Variants in TTC27 observed in about 807,000 individuals in gnomAD.
The protein encoded by TTC27 is tetratricopeptide repeat domain 27.
TTC27 carries 79 observed loss-of-function variants against 115.9 expected under a neutral mutation model. The ratio of observed to expected loss-of-function variants is 0.68; its 90% confidence interval spans 0.57 to 0.82. The LOEUF is 0.82. TTC27 is among the 40% of genes least tolerant of loss of function. The pLI is 0.00. For missense variants in TTC27, 1,054 were observed against 993.1 expected, an observed-to-expected ratio of 1.06 and a Z score of -0.82; for synonymous variants, 401 against 356.0, an observed-to-expected ratio of 1.13 and a Z score of -1.42.
chr2:32,744,860 C>T (rs1436724078), intron 12 of TTC27, among the ~76,000 whole-genome samples: 2 of 152,010 alleles, frequency 1.3e-5, no homozygotes, highest in Admixed American at 1.3e-4. Flanking sequence ...ACCAGCCCGC[C>T]AGCCTGGTGA....
At chr2:32,693,912 A>T (rs2151896293) in intron 9 of TTC27, among the ~76,000 whole-genome samples, 1 of 152,376 alleles carries the variant, frequency 6.6e-6, no homozygotes, top group East Asian at 1.9e-4. Context: ...AGCACATAGA[A>T]TGTGTTATAT....
intron 16 of TTC27, among the ~76,000 whole-genome samples, chr2:32,803,502 C>G (rs1671028438): frequency 6.6e-6 from 1 of 152,178 alleles, no homozygotes; most frequent in Non-Finnish European, 1.5e-5. Flanking sequence ...GAGCTGTGTT[C>G]TCCACCATAT....
chr2:32,741,521 A>T (rs1406209564), intron 12 of TTC27, among the ~76,000 whole-genome samples: 2 of 151,832 alleles, frequency 1.3e-5, no homozygotes, highest in South Asian at 2.1e-4. Context: ...ACGTGGTGGC[A>T]TGTGCCTGTA....
intron 10 of TTC27, among the ~76,000 whole-genome samples, chr2:32,725,569 C>T (rs1228890681): frequency 2.0e-5 from 3 of 152,166 alleles, no homozygotes; most frequent in African/African-American, 2.4e-5. Context: ...ACAGCTCCAC[C>T]CCTGTGGCTT....
At chr2:32,668,028 A>T (rs1157530867) in intron 7 of TTC27, among the ~76,000 whole-genome samples, 1 of 151,460 alleles carries the variant, frequency 6.6e-6, no homozygotes, top group Non-Finnish European at 1.5e-5. Flanking sequence ...TATTAAAAAT[A>T]CAAAAAAAAA....
At chr2:32,680,137 C>A (rs548182612) in intron 9 of TTC27, among the ~76,000 whole-genome samples, 1 of 152,002 alleles carries the variant, frequency 6.6e-6, no homozygotes, top group African/African-American at 2.4e-5. Flanking sequence ...TTTTATTTTC[C>A]CACTTCAGTA....
At chr2:32,730,917 C>T (rs1324714565) in intron 10 of TTC27, among the ~76,000 whole-genome samples, 4 of 151,870 alleles carry the variant, frequency 2.6e-5, no homozygotes, top group African/African-American at 7.3e-5. Context: ...CCATTGCACC[C>T]GGCCAAGCCT....
intron 10 of TTC27, among the ~76,000 whole-genome samples, chr2:32,713,932 C>G (rs888877822): frequency 3.3e-5 from 5 of 152,114 alleles, no homozygotes; most frequent in Non-Finnish European, 7.3e-5. Context: ...TCTCCACCCT[C>G]AAGTAGGCCT....
chr2:32,764,795 A>T (rs1669569362), intron 13 of TTC27, among the ~76,000 whole-genome samples: 1 of 152,368 alleles, frequency 6.6e-6, no homozygotes, highest in African/African-American at 2.4e-5. Flanking sequence ...AATGTTTACA[A>T]CATCTTCACG....
intron 9 of TTC27, among the ~76,000 whole-genome samples, chr2:32,700,303 T>G (rs1177376888): frequency 1.3e-5 from 2 of 152,166 alleles, no homozygotes; most frequent in Non-Finnish European, 2.9e-5. Context: ...GGAGGTCAAG[T>G]AACTTCCCCA....
chr2:32,815,346 C>T (rs1194850640), intron 18 of TTC27, among the ~76,000 whole-genome samples: 1 of 148,158 alleles, frequency 6.7e-6, no homozygotes, highest in African/African-American at 2.5e-5. Context: ...ACGCCATTCT[C>T]CTGCCTCAGC....
intron 5 of TTC27, among the ~76,000 whole-genome samples, chr2:32,653,973 C>T (rs1665229046): frequency 6.6e-6 from 1 of 152,168 alleles, no homozygotes; most frequent in Admixed American, 6.5e-5. Context: ...CACCATTCTG[C>T]GTTTCTAGCC....
intron 5 of TTC27, among the ~76,000 whole-genome samples, chr2:32,655,926 G>A (rs1360479257): frequency 1.3e-5 from 2 of 152,124 alleles, no homozygotes; most frequent in Admixed American, 1.3e-4. Flanking sequence ...TGCAAATTCA[G>A]TTCCTCAGTT....
At chr2:32,742,736 A>G (rs956246435) in intron 12 of TTC27, among the ~76,000 whole-genome samples, 7 of 152,140 alleles carry the variant, frequency 4.6e-5, no homozygotes, top group African/African-American at 1.7e-4. Flanking sequence ...TACTGTATTG[A>G]GGACGTAGAG....
chr2:32,820,678 GA>G, intron 19 of TTC27, 137 bp from the exon 20 acceptor site: 13 of 752,324 alleles, frequency 1.7e-5, no homozygotes, highest in Admixed American at 4.1e-5. Flanking sequence ...CTAGTGAACA[GA>G]AAAAAATGCT....
intron 10 of TTC27, among the ~76,000 whole-genome samples, chr2:32,724,888 A>G (rs972651874): frequency 6.6e-6 from 1 of 152,200 alleles, no homozygotes; most frequent in Non-Finnish European, 1.5e-5. Context: ...GGTATAATGG[A>G]CTTAGAGTTC....
At chr2:32,737,816 A>G (rs969362206) in intron 12 of TTC27, among the ~76,000 whole-genome samples, 22 of 152,116 alleles carry the variant, frequency 1.4e-4, no homozygotes, top group African/African-American at 5.3e-4. Context: ...CAGCCTGGGC[A>G]ACCAAGTAAG....
chr2:32,758,344 A>G lies in TTC27; in HGVS notation c.1505A>G (p.Tyr502Cys). The change falls in exon 13 of 20, where the codon TAC becomes TGC. Residue 502 changes from tyrosine to cysteine, a missense_variant. Transcript: ENST00000317907. ...GAGAAAAAAGAAACGCCTAGTTTAT[A>G]CTGCTTGCTTGGAGATGTCCTCGGA... ...ELEKKETPSLYCLLGDVLGDH... is the reference protein window; with the variant it reads ...ELEKKETPSLCCLLGDVLGDH... 1 of 1,614,236 alleles carries G rather than the reference A, an allele frequency of 6.2e-7. No homozygotes were observed.
rs371536907 is a variant in TTC27, at chr2:32,639,023, A to G, written c.397-1247A>G. Among the ~76,000 whole-genome samples, 133 of 151,850 alleles carry G rather than the reference A, an allele frequency of 8.8e-4. 1 individual carries two copies. The highest frequency in any genetic ancestry group is 3.4e-3 in the Middle Eastern group (1 of 294). On this transcript the variant is annotated intron_variant, in intron 3 of 19. Coordinates refer to ENST00000317907, the MANE Select transcript of TTC27 (RefSeq NM_017735.5). ...AATTTTTTGTAGTTTTAATAGAGAC[A>G]GGGTTTCACCGTGTTAGCCAGGATG...
Sources: allele counts gnomAD v4.1 joint callset (sites outside exome capture counted in the v4.1 genomes callset), GRCh38; gene constraint gnomAD v4.1.1; transcripts MANE v1.5; gene names NCBI Gene and HGNC (gene_info 2026-07-23, HGNC 2026-07-21).